The following DPP6 variants were observed in gnomAD, a reference collection of about 807,000 sequenced individuals.
DPP6 encodes the protein dipeptidyl peptidase like 6.
A neutral mutation model predicts 122.6 loss-of-function variants in DPP6; 69 were observed. That is an observed-to-expected ratio of 0.56 (90% CI 0.46 to 0.69). The LOEUF (loss-of-function observed/expected upper bound fraction) is 0.69. Ranked by LOEUF, DPP6 falls within the 30% of genes least tolerant of loss-of-function variation. The pLI is 0.00. For missense variants in DPP6, 928 were observed against 1,116.9 expected (o/e 0.83, Z 2.41); for synonymous variants, 418 against 433.1 (o/e 0.97, Z 0.43).
chr7:153,941,265 G>A (rs1484669486), intron 1 of DPP6, among the ~76,000 whole-genome samples: 2 of 152,178 alleles, frequency 1.3e-5, no homozygotes, highest in African/African-American at 2.4e-5. Context: ...AGACAGCCTC[G>A]GGGTGCTAGA....
chr7:154,512,360 A>G (rs1352156956), intron 3 of DPP6, among the ~76,000 whole-genome samples: 1 of 152,194 alleles, frequency 6.6e-6, no homozygotes, highest in Non-Finnish European at 1.5e-5. Context: ...ACTTTGAAGC[A>G]CGCTGTATTA....
At chr7:153,833,673 C>CA in the DPP6 span, among the ~76,000 whole-genome samples, 2,353 of 139,404 alleles carry the variant, frequency 0.017, 63 homozygotes, top group African/African-American at 0.055. Flanking sequence ...GACTCTGTCT[C>CA]AAAAAAAAAA....
At chr7:154,162,760 A>G (rs1328707957) in intron 1 of DPP6, among the ~76,000 whole-genome samples, 2 of 152,128 alleles carry the variant, frequency 1.3e-5, no homozygotes, top group Non-Finnish European at 2.9e-5. Context: ...GAATCTGTGC[A>G]TTGCTAGCAT....
At chr7:154,478,852 C>T (rs1443287126) in intron 3 of DPP6, among the ~76,000 whole-genome samples, 1 of 152,184 alleles carries the variant, frequency 6.6e-6, no homozygotes, top group Non-Finnish European at 1.5e-5. Flanking sequence ...TCTATTCTAG[C>T]TTTCTATTCC....
chr7:154,564,733 C>A (rs1467949897), intron 4 of DPP6, among the ~76,000 whole-genome samples: 1 of 152,162 alleles, frequency 6.6e-6, no homozygotes, highest in African/African-American at 2.4e-5. Flanking sequence ...CAAATTCAAC[C>A]ATGTGATAAA....
the DPP6 span, among the ~76,000 whole-genome samples, chr7:153,878,934 T>C: frequency 1.4e-5 from 2 of 144,514 alleles, no homozygotes; most frequent in Non-Finnish European, 3.0e-5. Flanking sequence ...GAAATAAAGA[T>C]AAAGAGAGGA....
chr7:154,129,088 G>T (rs952279880), intron 1 of DPP6, among the ~76,000 whole-genome samples: 45 of 152,024 alleles, frequency 3.0e-4, no homozygotes, highest in African/African-American at 1.1e-3. Context: ...AAAAGCCTGG[G>T]AAGTTCTTTC....
intron 2 of DPP6, among the ~76,000 whole-genome samples, chr7:154,470,503 T>C (rs1822166545): frequency 6.6e-6 from 1 of 152,182 alleles, no homozygotes; most frequent in African/African-American, 2.4e-5. Context: ...GCAGCTATGC[T>C]CGGGTGATGG....
chr7:154,436,867 G>A (rs888719160), intron 1 of DPP6, among the ~76,000 whole-genome samples: 1 of 152,160 alleles, frequency 6.6e-6, no homozygotes, highest in Non-Finnish European at 1.5e-5. Context: ...CTCACTTAGT[G>A]TAGTTTGCCC....
At chr7:154,311,223 C>T (rs1415573221) in intron 1 of DPP6, among the ~76,000 whole-genome samples, 2 of 152,164 alleles carry the variant, frequency 1.3e-5, no homozygotes, top group African/African-American at 2.4e-5. Context: ...TGGGGAGCCG[C>T]GTGCAGTGGC....
chr7:154,697,872 A>T (rs1483160063), intron 7 of DPP6, among the ~76,000 whole-genome samples: 1 of 152,168 alleles, frequency 6.6e-6, no homozygotes. Context: ...TCTTTCCCGT[A>T]ACTTGTGATA....
intron 5 of DPP6, among the ~76,000 whole-genome samples, chr7:154,574,281 TG>T (rs1206576797): frequency 6.9e-6 from 1 of 144,266 alleles, no homozygotes; most frequent in East Asian, 2.2e-4. Flanking sequence ...GGGGTCTGTG[TG>T]TGTGGCGTAT....
intron 1 of DPP6, among the ~76,000 whole-genome samples, chr7:153,972,493 G>A (rs2129033879): frequency 6.6e-6 from 1 of 151,874 alleles, no homozygotes; most frequent in African/African-American, 2.4e-5. Flanking sequence ...GCTCTGAGAT[G>A]CCTACCAATA....
intron 1 of DPP6, among the ~76,000 whole-genome samples, chr7:154,359,449 T>G (rs1021213836): frequency 2.0e-5 from 3 of 152,090 alleles, no homozygotes; most frequent in East Asian, 1.9e-4. Context: ...GCCCCTGCCT[T>G]CTGCTGTGTC....
rs939486053 is a variant in DPP6, at chr7:154,483,825, G to C, written c.457+8788G>C. 6.6e-6 allele frequency among the ~76,000 whole-genome samples: 1 copy of C among 152,168 alleles called. No homozygotes were observed. Among genetic ancestry groups the C allele is most frequent in the Non-Finnish European group, 1.5e-5 (1 of 68,036 alleles). ...TTCTCCTGCCTCAGCCTCCCTAGTA[G>C]CTGGGATTACAGGTGCACACCATCA... On this transcript the variant is annotated intron_variant, in intron 3 of 25. Coordinates refer to ENST00000377770, the MANE Select transcript of DPP6 (RefSeq NM_130797.4). This position sits in a 1 kb window ranked among gnomAD's most constrained non-coding sequence, Gnocchi z 8.1.
intron 7 of DPP6, among the ~76,000 whole-genome samples, chr7:154,679,312 T>C (rs945719047): frequency 1.8e-4 from 28 of 152,292 alleles, no homozygotes; most frequent in African/African-American, 6.7e-4. Context: ...GAAAAGGCCA[T>C]TGTCAGGTGA....
At chr7:154,678,025 A>G (rs754443577) in intron 7 of DPP6, among the ~76,000 whole-genome samples, 4 of 152,336 alleles carry the variant, frequency 2.6e-5, no homozygotes, top group Admixed American at 1.3e-4. Flanking sequence ...AAACACACCA[A>G]TCAGAGCTCC....
chr7:154,642,359 G>A (rs561058960), intron 6 of DPP6, among the ~76,000 whole-genome samples: 3 of 152,102 alleles, frequency 2.0e-5, no homozygotes, highest in Non-Finnish European at 4.4e-5. Flanking sequence ...TTGGGAGGCC[G>A]AAGCAGGTGG....
intron 2 of DPP6, among the ~76,000 whole-genome samples, chr7:154,463,102 A>G (rs2151321159): frequency 6.7e-6 from 1 of 149,388 alleles, no homozygotes; most frequent in South Asian, 2.1e-4. Context: ...AGAATTGGGG[A>G]CCCCAAGAGC....
Sources: gnomAD v4.1 joint callset for allele counts (sites outside exome capture counted in the v4.1 genomes callset) on GRCh38, gnomAD v4.1.1 for gene constraint, Gnocchi (gnomAD v3.1) non-coding constraint, MANE v1.5 for transcripts, NCBI Gene and HGNC (gene_info 2026-07-23, HGNC 2026-07-21) for gene names.